Variants in NINL observed in about 807,000 individuals in gnomAD.
NINL encodes ninein like, also known as ninein-like protein.
NINL carries 153 observed loss-of-function variants against 160.3 expected under a neutral mutation model. The ratio of observed to expected loss-of-function variants is 0.95; its 90% confidence interval spans 0.84 to 1.09. The LOEUF (loss-of-function observed/expected upper bound fraction) is 1.09, where lower values mean the gene tolerates loss of function less well. Ranked by LOEUF, NINL falls within the 50% of genes least tolerant of loss-of-function variation. The pLI, the probability that NINL is intolerant of heterozygous loss-of-function variation, is 0.00. For missense variants in NINL, 1,829 were observed against 1,764.0 expected (o/e 1.04, Z -0.66); for synonymous variants, 800 against 734.8 (o/e 1.09, Z -1.43).
chr20:25,473,157 A>T (rs115307306), intron 17 of NINL, among the ~76,000 whole-genome samples: 11 of 152,294 alleles, frequency 7.2e-5, no homozygotes, highest in African/African-American at 1.9e-4. Context: ...AAAACAAGCA[A>T]ACTGAATCTA....
At chr20:25,568,534 G>A (rs2065019285) in intron 1 of NINL, among the ~76,000 whole-genome samples, 2 of 151,720 alleles carry the variant, frequency 1.3e-5, no homozygotes, top group South Asian at 2.1e-4. Flanking sequence ...TCAGCCTCCT[G>A]AGTAGCTGTG....
intron 1 of NINL, among the ~76,000 whole-genome samples, chr20:25,536,883 G>C (rs1412459350): frequency 6.6e-6 from 1 of 152,178 alleles, no homozygotes; most frequent in Non-Finnish European, 1.5e-5. Context: ...GGGGAGCCTA[G>C]AGAGTATAAG....
Position 25,498,212 on chromosome 20 carries a change from C to CTGG in NINL, c.1164_1166dup (p.Tyr388_Gln389insHis). 6.2e-7 allele frequency: 1 copy of CTGG among 1,612,538 alleles called. No individual in the cohort carries two copies. Among genetic ancestry groups the CTGG allele is most frequent in the Non-Finnish European group, 8.5e-7 (1 of 1,179,990 alleles). On this transcript the variant is annotated inframe_insertion, in exon 9 of 24. Coordinates refer to ENST00000278886, the MANE Select transcript of NINL (RefSeq NM_025176.6). ...CCCAGTCCCCTGTGGCCTCTTACTG[C>CTGG]TGGTAGCTCAGCTCCTGGTGGTAGC...
chr20:25,549,006 C>T (rs1348721631), intron 1 of NINL, among the ~76,000 whole-genome samples: 1 of 144,856 alleles, frequency 6.9e-6, no homozygotes, highest in Non-Finnish European at 1.5e-5. Flanking sequence ...TCACCCAGGG[C>T]TGACCCCAGT....
chr20:25,584,785 G>A (rs2065209241), intron 1 of NINL, among the ~76,000 whole-genome samples: 2 of 152,196 alleles, frequency 1.3e-5, no homozygotes, highest in African/African-American at 4.8e-5. Flanking sequence ...TAACAATGGG[G>A]CATCAGTACC....
At chr20:25,529,647 T>A (rs1457072479) in intron 1 of NINL, among the ~76,000 whole-genome samples, 1 of 152,116 alleles carries the variant, frequency 6.6e-6, no homozygotes, top group Admixed American at 6.6e-5. Flanking sequence ...AAACTAAGCC[T>A]GGGCAACATG....
chr20:25,575,661 G>A (rs2065106966), intron 1 of NINL, among the ~76,000 whole-genome samples: 1 of 151,654 alleles, frequency 6.6e-6, no homozygotes, highest in Non-Finnish European at 1.5e-5. Flanking sequence ...TGAGGCAGGA[G>A]AATTGTTGGA....
intron 1 of NINL, among the ~76,000 whole-genome samples, chr20:25,542,697 T>TAAAAAAA (rs71185304): frequency 1.9e-5 from 1 of 51,368 alleles, no homozygotes; most frequent in African/African-American, 8.6e-5. Flanking sequence ...TTGCTTTCAC[T>TAAAAAAA]AAAAAAAAAA....
At chr20:25,467,804 C>CATA (rs1009739460) in intron 18 of NINL, among the ~76,000 whole-genome samples, 33 of 152,316 alleles carry the variant, frequency 2.2e-4, no homozygotes, top group African/African-American at 7.9e-4. Context: ...TTGTAAAACA[C>CATA]ATAACACTTC....
At chr20:25,566,713 G>T (rs1403971003) in intron 1 of NINL, among the ~76,000 whole-genome samples, 1 of 152,144 alleles carries the variant, frequency 6.6e-6, no homozygotes, top group Non-Finnish European at 1.5e-5. Context: ...AGGCTTGCTG[G>T]AGCCCAGGAG....
chr20:25,472,368 C>CT (rs1195362856), intron 17 of NINL, among the ~76,000 whole-genome samples: 731 of 58,660 alleles, frequency 0.012, 18 homozygotes, highest in African/African-American at 0.041. Context: ...TATATATATA[C>CT]TTTTTTTTTG....
chr20:25,458,798 A>G (rs899789528), intron 21 of NINL: 4 of 473,638 alleles, frequency 8.4e-6, no homozygotes, highest in African/African-American at 6.0e-5. Flanking sequence ...TGTCAGACCC[A>G]GACTCTGCTG....
intron 19 of NINL, 183 bp from the exon 20 acceptor site, chr20:25,462,724 G>T: frequency 1.8e-6 from 1 of 549,208 alleles, no homozygotes; most frequent in Non-Finnish European, 3.2e-6. Context: ...GCACATTCAT[G>T]GTTCACTGCA....
chr20:25,557,076 T>C (rs2064875349), intron 1 of NINL, among the ~76,000 whole-genome samples: 1 of 152,200 alleles, frequency 6.6e-6, no homozygotes, highest in African/African-American at 2.4e-5. Context: ...TCTGCATGTA[T>C]TTTATTTTAT....
chr20:25,556,331 T>C (rs1186755392), intron 1 of NINL, among the ~76,000 whole-genome samples: 1 of 152,096 alleles, frequency 6.6e-6, no homozygotes, highest in Non-Finnish European at 1.5e-5. Flanking sequence ...CTTTTATCTA[T>C]TTAAAATCAA....
chr20:25,491,800 C>T (rs2063647125), intron 10 of NINL, among the ~76,000 whole-genome samples: 1 of 152,210 alleles, frequency 6.6e-6, no homozygotes, highest in East Asian at 1.9e-4. Flanking sequence ...AGCACAGCTC[C>T]CTGGGGTGAG....
intron 19 of NINL, 91 bp downstream of exon 19, chr20:25,467,298 C>T (rs1393984717): frequency 1.7e-6 from 2 of 1,145,304 alleles, no homozygotes; most frequent in Non-Finnish European, 1.3e-6. Context: ...GAAGAATATT[C>T]TCTACTTCCT....
intron 2 of NINL, among the ~76,000 whole-genome samples, chr20:25,519,084 G>A (rs945191632): frequency 8.3e-5 from 11 of 132,960 alleles, no homozygotes; most frequent in Middle Eastern, 5.0e-3. Context: ...GCAACAGAGC[G>A]AGACTCTGTC....
intron 17 of NINL, among the ~76,000 whole-genome samples, chr20:25,472,856 C>T (rs1361916799): frequency 6.6e-6 from 1 of 152,062 alleles, no homozygotes; most frequent in Non-Finnish European, 1.5e-5. Context: ...ATGCCTATAC[C>T]CACAACATAA....
Sources: allele counts gnomAD v4.1 joint callset (sites outside exome capture counted in the v4.1 genomes callset), GRCh38; gene constraint gnomAD v4.1.1; transcripts MANE v1.5; gene names NCBI Gene and HGNC (gene_info 2026-07-23, HGNC 2026-07-21).